The following CSPP1 variants were observed in gnomAD, a reference collection of about 807,000 sequenced individuals.
CSPP1 encodes centrosome and spindle pole associated protein 1.
In CSPP1, 126 loss-of-function variants were observed where a neutral mutation model predicts 164.4. That is an observed-to-expected ratio of 0.77 (90% CI 0.66 to 0.89). The LOEUF (loss-of-function observed/expected upper bound fraction) is 0.89. Ranked by LOEUF, CSPP1 falls within the 40% of genes least tolerant of loss-of-function variation. The probability of loss-of-function intolerance (pLI) is 0.00; values close to 1 mark genes in which losing one functional copy is unlikely to be tolerated. For missense variants in CSPP1, 1,395 were observed against 1,449.8 expected, an observed-to-expected ratio of 0.96 and a Z score of 0.61; for synonymous variants, 472 against 476.7, an observed-to-expected ratio of 0.99 and a Z score of 0.13.
chr8:67,175,082 A>G (rs536519218), intron 25 of CSPP1: 7 of 498,872 alleles, frequency 1.4e-5, no homozygotes, highest in South Asian at 1.3e-4. Context: ...TTATGTTGGT[A>G]AGTTTGTGAA....
intron 1 of CSPP1, among the ~76,000 whole-genome samples, chr8:67,070,727 AT>A (rs1424737177): frequency 1.2e-4 from 18 of 149,210 alleles, no homozygotes; most frequent in African/African-American, 4.4e-4. Context: ...ATGTAAATAT[AT>A]ATATATATAT....
At chr8:67,175,623 C>G (rs560702910) in intron 26 of CSPP1, 187 bp downstream of exon 26, 1 of 718,586 alleles carries the variant, frequency 1.4e-6, no homozygotes, top group East Asian at 2.8e-5. Context: ...AGTGGCTCCA[C>G]TAGGGTGGTG....
At chr8:67,127,615 C>G (rs772874919) in intron 15 of CSPP1, among the ~76,000 whole-genome samples, 5 of 152,194 alleles carry the variant, frequency 3.3e-5, no homozygotes, top group Admixed American at 2.0e-4. Context: ...AATTTTGACT[C>G]GTGTTCTCAT....
chr8:67,083,623 C>T (rs1809792962), intron 3 of CSPP1: 1 of 141,564 alleles, frequency 7.1e-6, no homozygotes, highest in Non-Finnish European at 1.5e-5. Flanking sequence ...TTTTTCTTTC[C>T]ATTCTTCCAC....
At chr8:67,163,343 AT>A (rs937351959) in intron 22 of CSPP1, among the ~76,000 whole-genome samples, 59 of 151,724 alleles carry the variant, frequency 3.9e-4, no homozygotes, top group East Asian at 1.9e-4. Flanking sequence ...ATGAGGTAAA[AT>A]TTTTTTTTAA....
At chr8:67,160,549 T>C (rs1023808983) in intron 21 of CSPP1, among the ~76,000 whole-genome samples, 6 of 152,050 alleles carry the variant, frequency 3.9e-5, no homozygotes, top group African/African-American at 1.2e-4. Flanking sequence ...TTAAAAATGC[T>C]ATTTTTTAAG....
At chr8:67,106,407 A>G (rs1257112797) in intron 9 of CSPP1, among the ~76,000 whole-genome samples, 4 of 151,856 alleles carry the variant, frequency 2.6e-5, no homozygotes, top group Non-Finnish European at 5.9e-5. Flanking sequence ...TTTAAAAAGT[A>G]TTTTGTTTTA....
At chr8:67,093,928 C>T (rs1049071176) in intron 6 of CSPP1, among the ~76,000 whole-genome samples, 8 of 151,204 alleles carry the variant, frequency 5.3e-5, no homozygotes, top group African/African-American at 1.2e-4. Context: ...TTTATGATGA[C>T]AATTCCTAGC....
At position 67,086,118 on chromosome 8, in the gene CSPP1, G is replaced by A. The variant is rs779111201; in HGVS notation, c.303+8G>A. ...AGACGTTATCTTACTCAGGTAATGAGTTCTATTAATGAGTTGGGTTTAATG... is the reference window on the plus strand; with the variant it reads ...AGACGTTATCTTACTCAGGTAATGAATTCTATTAATGAGTTGGGTTTAATG... On this transcript the variant is annotated splice_region_variant and intron_variant, in intron 4 of 30. Transcript: ENST00000678616. 4.3e-6 allele frequency: 5 copies of A among 1,166,278 alleles called. No homozygotes were observed. Among genetic ancestry groups the A allele is most frequent in the South Asian group, 3.6e-5 (3 of 82,220 alleles). 72.2% of individuals were successfully genotyped at this position (1,166,278 alleles called of 1,614,324 possible).
chr8:67,168,445 C>T (rs182988263), intron 24 of CSPP1, among the ~76,000 whole-genome samples: 16 of 152,076 alleles, frequency 1.1e-4, no homozygotes, highest in Admixed American at 2.0e-4. Flanking sequence ...ACTCGAGCAG[C>T]GCCTCAATTT....
chr8:67,070,538 A>G (rs1806528209), intron 1 of CSPP1, among the ~76,000 whole-genome samples: 8 of 151,664 alleles, frequency 5.3e-5, no homozygotes, highest in Admixed American at 5.3e-4. Flanking sequence ...CTGGTGGCCA[A>G]CATGGAGGAT....
In CSPP1 at chr8:67,118,236, C is replaced by T. The variant is rs767251155; in HGVS notation, c.1497-12C>T. ...AATATGAGAGGAATTTTTCATCTTT[C>T]TTTTCATACAGGATTGCACCTCTGC... is the stretch of plus-strand genomic sequence containing the variant. On this transcript the variant is annotated splice_polypyrimidine_tract_variant and intron_variant, in intron 13 of 30. Transcript: ENST00000678616. The T allele has an allele frequency of 5.0e-6, 8 of 1,608,382 alleles. No individual in the cohort carries two copies. Among genetic ancestry groups the T allele is most frequent in the Non-Finnish European group, 6.8e-6 (8 of 1,178,188 alleles).
chr8:67,175,119 T>C, intron 25 of CSPP1, 177 bp from the exon 26 acceptor site: 2 of 593,622 alleles, frequency 3.4e-6, no homozygotes, highest in South Asian at 4.2e-5. Context: ...AATATTAATT[T>C]CATATTCTTT....
chr8:67,098,607 T>A (rs925422752), intron 7 of CSPP1, among the ~76,000 whole-genome samples: 10 of 152,088 alleles, frequency 6.6e-5, no homozygotes, highest in Non-Finnish European at 1.5e-4. Flanking sequence ...TTATGCATAT[T>A]TACCAATTCA....
chr8:67,127,470 C>A (rs1385886242), intron 15 of CSPP1, among the ~76,000 whole-genome samples: 1 of 152,074 alleles, frequency 6.6e-6, no homozygotes, highest in East Asian at 1.9e-4. Flanking sequence ...AGGACTGTAC[C>A]CTCCTGATCT....
intron 4 of CSPP1, among the ~76,000 whole-genome samples, chr8:67,087,913 G>A (rs909347378): frequency 2.6e-5 from 4 of 152,064 alleles, no homozygotes; most frequent in East Asian, 3.8e-4. Flanking sequence ...ATTTCCTCGC[G>A]CTAATTTTCA....
chr8:67,171,557 G>T (rs879942492), intron 24 of CSPP1, among the ~76,000 whole-genome samples: 5 of 151,766 alleles, frequency 3.3e-5, no homozygotes, highest in African/African-American at 1.2e-4. Context: ...TAATTTTGTT[G>T]TTGTTGTTGA....
chr8:67,136,465 A>G (rs1397621353), intron 16 of CSPP1, among the ~76,000 whole-genome samples: 6 of 144,448 alleles, frequency 4.2e-5, no homozygotes, highest in Non-Finnish European at 9.0e-5. Flanking sequence ...GCTACTCTGG[A>G]GGCTGGGGCA....
intron 9 of CSPP1, among the ~76,000 whole-genome samples, chr8:67,111,687 GA>G (rs1816871436): frequency 6.6e-6 from 1 of 152,096 alleles, no homozygotes; most frequent in South Asian, 2.1e-4. Context: ...TAGATTGTTA[GA>G]AAAATGGGGT....
Sources: allele counts gnomAD v4.1 joint callset (sites outside exome capture counted in the v4.1 genomes callset), GRCh38; gene constraint gnomAD v4.1.1; transcripts MANE v1.5; gene names NCBI Gene and HGNC (gene_info 2026-07-23, HGNC 2026-07-21).